The following XKR4 variants were observed in gnomAD, a reference collection of about 807,000 sequenced individuals.
XKR4 encodes the protein XK-related protein 4.
Under a neutral mutation model 53.9 loss-of-function variants are expected in XKR4, and 12 were observed. The ratio of observed to expected loss-of-function variants is 0.22; its 90% CI spans 0.14 to 0.36. The LOEUF is 0.36. XKR4 is among the 10% of genes least tolerant of loss of function. The probability of loss-of-function intolerance (pLI) is 1.00; values close to 1 mark genes in which losing one functional copy is unlikely to be tolerated. For missense variants in XKR4, 799 were observed against 859.5 expected, an observed-to-expected ratio of 0.93 and a Z score of 0.88; for synonymous variants, 354 against 362.4, an observed-to-expected ratio of 0.98 and a Z score of 0.26.
rs527947023 is a variant in XKR4 at position 55,385,353 on chromosome 8, A to G, written c.1006+27476A>G. Among the ~76,000 whole-genome samples, 3 of 152,022 alleles carry G rather than the reference A, an allele frequency of 2.0e-5. No homozygotes were observed. In the South Asian group the frequency reaches 6.2e-4, roughly 32 times the overall value. On this transcript the variant is annotated intron_variant, in intron 2 of 2. Coordinates refer to ENST00000327381, the MANE Select transcript of XKR4 (RefSeq NM_052898.2). ...CTGGGGCTCACCCTGCGCTCCTCCC[A>G]TTTTCGTCTGGCACATCCTCCCCTT...
chr8:55,298,470 A>G (rs1819133392), intron 1 of XKR4, among the ~76,000 whole-genome samples: 1 of 152,168 alleles, frequency 6.6e-6, no homozygotes, highest in African/African-American at 2.4e-5. Flanking sequence ...GCTTCCAGTC[A>G]TGGCAGAAGG....
intron 1 of XKR4, among the ~76,000 whole-genome samples, chr8:55,178,862 C>A (rs1004362887): frequency 5.9e-5 from 9 of 152,194 alleles, no homozygotes; most frequent in East Asian, 1.9e-4. Flanking sequence ...GTCACCATGG[C>A]CCCAACTACC....
chr8:55,352,266 G>A (rs1230063421), intron 1 of XKR4, among the ~76,000 whole-genome samples: 3 of 152,226 alleles, frequency 2.0e-5, no homozygotes, highest in African/African-American at 4.8e-5. Flanking sequence ...TAAGGAATGT[G>A]TAGAGGCATT....
chr8:55,119,022 C>T (rs867764632), intron 1 of XKR4, among the ~76,000 whole-genome samples: 6 of 152,072 alleles, frequency 3.9e-5, no homozygotes, highest in African/African-American at 9.6e-5. Flanking sequence ...TGGGTAAAAG[C>T]AGACATGATT....
intron 2 of XKR4, among the ~76,000 whole-genome samples, chr8:55,472,113 T>A (rs1487787495): frequency 6.6e-6 from 1 of 152,098 alleles, no homozygotes; most frequent in Non-Finnish European, 1.5e-5. Flanking sequence ...CTAAGGGACA[T>A]TCGAGTATCA....
At chr8:55,176,598 G>T (rs1203690130) in intron 1 of XKR4, among the ~76,000 whole-genome samples, 1 of 152,208 alleles carries the variant, frequency 6.6e-6, no homozygotes, top group Admixed American at 6.5e-5. Context: ...ACAAGACATT[G>T]TTACTCTAGA....
intron 2 of XKR4, among the ~76,000 whole-genome samples, chr8:55,480,035 TC>T (rs58841553): frequency 0.34 from 52,341 of 151,986 alleles, 10,935 homozygotes; most frequent in African/African-American, 0.6. Flanking sequence ...GAGGGAATCC[TC>T]CCTAACTCAT....
chr8:55,451,891 T>C, intron 2 of XKR4: 1 of 842,328 alleles, frequency 1.2e-6, no homozygotes, highest in Admixed American at 1.9e-5. Flanking sequence ...GGGCTCCAGC[T>C]CTTCCGACAC....
Position 55,452,593 on chromosome 8 carries a change from G to A in XKR4, c.1007-70688G>A, listed in dbSNP as rs535265939. The A allele has an allele frequency of 1.4e-4, 137 of 974,714 alleles. No homozygotes were observed. The East Asian group carries it at 3.2e-3, about 23-fold the overall frequency. 60.4% of individuals were successfully genotyped at this position (974,714 alleles called of 1,614,324 possible). A position where few individuals can be genotyped will look rare whatever the true frequency, so the allele number is the denominator to read the frequency against. ...CGGTTCTCCCGCTGCACCGCCTCCAGGGTCTTAATGTTTATCTGGACGATG... is the reference window on the plus strand; with the variant it reads ...CGGTTCTCCCGCTGCACCGCCTCCAAGGTCTTAATGTTTATCTGGACGATG... On this transcript the variant is annotated intron_variant, in intron 2 of 2. Coordinates refer to ENST00000327381, the MANE Select transcript of XKR4 (RefSeq NM_052898.2).
chr8:55,333,236 T>C (rs1803406113), intron 1 of XKR4, among the ~76,000 whole-genome samples: 1 of 152,100 alleles, frequency 6.6e-6, no homozygotes, highest in Non-Finnish European at 1.5e-5. Context: ...TTCTTCGGGG[T>C]TGGTTTCTGG....
chr8:55,171,457 G>T (rs1219725402), intron 1 of XKR4, among the ~76,000 whole-genome samples: 1 of 152,098 alleles, frequency 6.6e-6, no homozygotes, highest in African/African-American at 2.4e-5. Context: ...CTACAACATG[G>T]ATATGGCAGG....
chr8:55,444,099 A>C (rs1369270389), intron 2 of XKR4, among the ~76,000 whole-genome samples: 1 of 151,494 alleles, frequency 6.6e-6, no homozygotes. Flanking sequence ...TGAACCTGGG[A>C]GGTGGAGGTT....
chr8:55,222,918 T>C (rs1585949249), intron 1 of XKR4, among the ~76,000 whole-genome samples: 1 of 152,190 alleles, frequency 6.6e-6, no homozygotes, highest in East Asian at 1.9e-4. Flanking sequence ...GTGGTAGATG[T>C]AGGGGACTAT....
intron 2 of XKR4, among the ~76,000 whole-genome samples, chr8:55,378,176 TACA>T (rs1432504175): frequency 6.6e-6 from 1 of 152,206 alleles, no homozygotes; most frequent in Non-Finnish European, 1.5e-5. Context: ...TATGAAATAG[TACA>T]ATGAATTTAG....
intron 1 of XKR4, among the ~76,000 whole-genome samples, chr8:55,257,284 G>A (rs1325062494): frequency 6.6e-6 from 1 of 151,964 alleles, no homozygotes; most frequent in African/African-American, 2.4e-5. Context: ...TAAAGGACAG[G>A]GCATCAAGTG....
intron 2 of XKR4, among the ~76,000 whole-genome samples, chr8:55,425,081 G>A (rs115945417): frequency 0.013 from 2,035 of 152,230 alleles, 54 homozygotes; most frequent in African/African-American, 0.047. Flanking sequence ...CACTCAGTTT[G>A]CCCCAGTCCT....
At chr8:55,178,674 A>G (rs1276006604) in intron 1 of XKR4, among the ~76,000 whole-genome samples, 1 of 152,082 alleles carries the variant, frequency 6.6e-6, no homozygotes, top group Non-Finnish European at 1.5e-5. Context: ...CTCGACACTA[A>G]CTAGTTGTGT....
intron 1 of XKR4, among the ~76,000 whole-genome samples, chr8:55,172,556 AACAAAG>A (rs1406592460): frequency 6.6e-6 from 1 of 152,230 alleles, no homozygotes; most frequent in Non-Finnish European, 1.5e-5. Context: ...TATAGTATAA[AACAAAG>A]ACAGAGTGAA....
chr8:55,247,871 T>C (rs75116384), intron 1 of XKR4, among the ~76,000 whole-genome samples: 113 of 29,202 alleles, frequency 3.9e-3, no homozygotes, highest in Non-Finnish European at 0.014. Context: ...TTTTTTTTTT[T>C]TTTGAGACAG....
Sources: gnomAD v4.1 joint callset for allele counts (sites outside exome capture counted in the v4.1 genomes callset) on GRCh38, gnomAD v4.1.1 for gene constraint, MANE v1.5 for transcripts, NCBI Gene and HGNC (gene_info 2026-07-23, HGNC 2026-07-21) for gene names.